BLK: variants seen among roughly 807,000 people sequenced by gnomAD.
The protein encoded by BLK is tyrosine-protein kinase Blk.
Under a neutral mutation model 61.8 loss-of-function variants are expected in BLK, and 64 were observed. That is an observed-to-expected ratio of 1.03 (90% CI 0.85 to 1.27). The LOEUF is 1.27. BLK is among the 50% of genes most tolerant of loss of function. The pLI is 0.00. For synonymous variants in BLK, 351 were observed against 272.0 expected (o/e 1.29, Z -2.86); for missense variants, 853 against 660.5 (o/e 1.29, Z -3.19).
At chr8:11,507,376 G>T (rs1798816439) in intron 1 of BLK, among the ~76,000 whole-genome samples, 1 of 152,194 alleles carries the variant, frequency 6.6e-6, no homozygotes, top group Admixed American at 6.5e-5. Flanking sequence ...CCCTGGCCTG[G>T]ACCACCATGT....
At position 11,564,228 on chromosome 8, in the gene BLK, C is replaced by G; in HGVS notation, c.*120C>G. On this transcript the variant is annotated 3_prime_UTR_variant, in exon 13 of 13. Coordinates refer to ENST00000259089, the MANE Select transcript of BLK (RefSeq NM_001715.3). The stretch of plus-strand genomic sequence containing the variant: ...TGTGCCCTTTTCTCAGACCCGGAAT[C>G]CAGTGGGCAGAGGCAGCTTCGCAGG... 1 of 1,248,058 alleles carries G rather than the reference C, an allele frequency of 8.0e-7. No homozygotes were observed. Among genetic ancestry groups the G allele is most frequent in the Non-Finnish European group, 1.1e-6 (1 of 888,334 alleles). 77.3% of individuals were successfully genotyped at this position (1,248,058 alleles called of 1,614,324 possible).
At chr8:11,547,349 T>C (rs1471838407) in intron 3 of BLK, among the ~76,000 whole-genome samples, 2 of 152,232 alleles carry the variant, frequency 1.3e-5, no homozygotes, top group African/African-American at 4.8e-5. Flanking sequence ...GGAAGCTAAG[T>C]GCTCTCCAGG....
chr8:11,550,000 A>T, intron 5 of BLK, 159 bp from the exon 6 acceptor site: 1 of 703,592 alleles, frequency 1.4e-6, no homozygotes, highest in South Asian at 1.5e-5. Context: ...GAGGGCACTG[A>T]CTCCATCACG....
At position 11,513,930 on chromosome 8, in the gene BLK, C is replaced by G. The variant is rs76761989; in HGVS notation, c.-2+19339C>G. ...TCCCATCACTCGGAGAAGCCTGCACCTTGGAAATAATTCAACTCCTTGGTC... is the reference window on the plus strand; with the variant it reads ...TCCCATCACTCGGAGAAGCCTGCACGTTGGAAATAATTCAACTCCTTGGTC... On this transcript the variant is annotated intron_variant, in intron 1 of 12. Transcript: ENST00000259089. 5.7e-3 allele frequency among the ~76,000 whole-genome samples: 866 copies of G among 152,284 alleles called. 5 individuals carry two copies. The highest frequency in any genetic ancestry group is 0.02 in the African/African-American group (817 of 41,558).
At chr8:11,508,320 C>T (rs1388226531) in intron 1 of BLK, among the ~76,000 whole-genome samples, 4 of 152,166 alleles carry the variant, frequency 2.6e-5, no homozygotes, top group East Asian at 3.9e-4. Context: ...GAGCCAAGAA[C>T]GGGTGAGCTC....
At chr8:11,504,923 A>G (rs1309417981) in intron 1 of BLK, among the ~76,000 whole-genome samples, 1 of 152,232 alleles carries the variant, frequency 6.6e-6, no homozygotes, top group African/African-American at 2.4e-5. Context: ...ATGGATACAG[A>G]GCATATGTAC....
intron 1 of BLK, among the ~76,000 whole-genome samples, chr8:11,500,223 T>A (rs1339303344): frequency 6.6e-6 from 1 of 152,226 alleles, no homozygotes; most frequent in Non-Finnish European, 1.5e-5. Context: ...AGACAAGGTC[T>A]CACTCTGTTG....
intron 1 of BLK, among the ~76,000 whole-genome samples, chr8:11,532,134 C>T (rs1386994249): frequency 6.6e-6 from 1 of 151,840 alleles, no homozygotes; most frequent in Admixed American, 6.6e-5. Flanking sequence ...GCTGGGATTA[C>T]AGGCATGAGC....
chr8:11,562,664 C>T (rs991877679), intron 11 of BLK, among the ~76,000 whole-genome samples: 1 of 152,244 alleles, frequency 6.6e-6, no homozygotes, highest in East Asian at 1.9e-4. Context: ...GTGAAACAGG[C>T]CCCTTCCATC....
At chr8:11,543,190 C>G (rs529755807) in intron 1 of BLK, 34 bp from the exon 2 acceptor site, 1 of 1,613,128 alleles carries the variant, frequency 6.2e-7, no homozygotes, top group African/African-American at 1.3e-5. Flanking sequence ...GCCCCGCTCT[C>G]TCATGTCCTC....
intron 1 of BLK, among the ~76,000 whole-genome samples, chr8:11,536,884 C>T (rs1702486945): frequency 7.9e-5 from 12 of 152,202 alleles, no homozygotes; most frequent in Admixed American, 7.9e-4. Context: ...CAGAATCATG[C>T]CCACTCTGAA....
rs1265214253 is a variant in BLK at position 11,564,459 on chromosome 8, G to A, written c.*351G>A. 1 of 550,124 alleles carries A rather than the reference G, an allele frequency of 1.8e-6. No individual in the cohort carries two copies. The highest frequency in any genetic ancestry group is 3.5e-6 in the Non-Finnish European group (1 of 287,506). The allele number at this position is 550,124 out of a possible 1,614,324, so 34.1% of individuals were successfully genotyped here. A position where few individuals can be genotyped will look rare whatever the true frequency, so the allele number is the denominator to read the frequency against. On this transcript the variant is annotated 3_prime_UTR_variant, in exon 13 of 13. Transcript: ENST00000259089. ...CACCCCCCGTGCTGGCCGCGTCCCCGCCTCTGCGCCCTGCGTGGACCCCGC... is the reference window on the plus strand; with the variant it reads ...CACCCCCCGTGCTGGCCGCGTCCCCACCTCTGCGCCCTGCGTGGACCCCGC...
At chr8:11,521,336 G>T (rs764648215) in intron 1 of BLK, among the ~76,000 whole-genome samples, 9 of 152,234 alleles carry the variant, frequency 5.9e-5, no homozygotes, top group Admixed American at 2.0e-4. Context: ...TGTCACCAAG[G>T]CTGGAGTGCA....
chr8:11,550,780 C>G (rs1169006299), intron 6 of BLK, among the ~76,000 whole-genome samples: 1 of 152,270 alleles, frequency 6.6e-6, no homozygotes, highest in African/African-American at 2.4e-5. Context: ...AGCAAAACAG[C>G]TGCCATCACC....
At chr8:11,506,554 A>C (rs1040239131) in intron 1 of BLK, among the ~76,000 whole-genome samples, 1 of 152,092 alleles carries the variant, frequency 6.6e-6, no homozygotes, top group Non-Finnish European at 1.5e-5. Context: ...GGTGTGCAAA[A>C]ACAGAAAAGC....
chr8:11,561,645 C>T (rs1439495107), intron 11 of BLK, among the ~76,000 whole-genome samples, 193 bp downstream of exon 11: 7 of 152,084 alleles, frequency 4.6e-5, no homozygotes, highest in Non-Finnish European at 1.0e-4. Context: ...CTGAGACCTC[C>T]CATGGAGGAA....
intron 1 of BLK, among the ~76,000 whole-genome samples, chr8:11,534,461 G>A (rs1296436124): frequency 6.6e-6 from 1 of 152,048 alleles, no homozygotes; most frequent in African/African-American, 2.4e-5. Context: ...ATTACCTAAT[G>A]AATTTCAAGC....
At chr8:11,545,927 G>C in intron 2 of BLK, 125 bp from the exon 3 acceptor site, 1 of 999,748 alleles carries the variant, frequency 1.0e-6, no homozygotes, top group South Asian at 1.3e-5. Context: ...CCCACAGGCA[G>C]CTGCCTCTCC....
intron 1 of BLK, among the ~76,000 whole-genome samples, chr8:11,511,941 A>G (rs1799024663): frequency 6.6e-6 from 1 of 152,206 alleles, no homozygotes; most frequent in Non-Finnish European, 1.5e-5. Context: ...GGAGGTGGAA[A>G]AGTAAGCATT....
Sources: allele counts gnomAD v4.1 joint callset (sites outside exome capture counted in the v4.1 genomes callset), GRCh38; gene constraint gnomAD v4.1.1; transcripts MANE v1.5; gene names NCBI Gene and HGNC (gene_info 2026-07-23, HGNC 2026-07-21).